The following RBL1 variants were observed in gnomAD, a reference collection of about 807,000 sequenced individuals.
RBL1 encodes the protein RB transcriptional corepressor like 1, also known as retinoblastoma-like protein 1.
RBL1 carries 82 observed loss-of-function variants against 123.0 expected under a neutral mutation model. The observed-to-expected ratio is 0.67, with a 90% CI of 0.56 to 0.80. The LOEUF is 0.80. Among genes scored for constraint, RBL1 ranks in the 30% least tolerant of loss-of-function variants. RBL1 has a pLI of 0.00. For synonymous variants in RBL1, 405 were observed against 441.3 expected (o/e 0.92, Z 1.03); for missense variants, 1,171 against 1,299.6 (o/e 0.90, Z 1.52).
chr20:37,042,683 G>A (rs1193811856), intron 13 of RBL1, among the ~76,000 whole-genome samples: 4 of 151,894 alleles, frequency 2.6e-5, no homozygotes, highest in Non-Finnish European at 4.4e-5. Flanking sequence ...TGGGAGGATC[G>A]CTTGAGCCCA....
At chr20:37,000,965 C>T (rs2063966853) in intron 21 of RBL1, among the ~76,000 whole-genome samples, 1 of 146,338 alleles carries the variant, frequency 6.8e-6, no homozygotes, top group Non-Finnish European at 1.5e-5. Flanking sequence ...GCCCGGCCGC[C>T]CCTACTGGGA....
intron 14 of RBL1, among the ~76,000 whole-genome samples, chr20:37,038,234 C>T (rs936500306): frequency 1.6e-4 from 24 of 148,966 alleles, no homozygotes; most frequent in Non-Finnish European, 2.4e-4. Flanking sequence ...TCAGATGATC[C>T]ACCTGCCTCG....
intron 2 of RBL1, among the ~76,000 whole-genome samples, chr20:37,078,501 C>A (rs2065398520): frequency 6.6e-6 from 1 of 152,136 alleles, no homozygotes; most frequent in African/African-American, 2.4e-5. Flanking sequence ...GTCTTTTCAA[C>A]CTAGCTTCTA....
intron 2 of RBL1, among the ~76,000 whole-genome samples, chr20:37,078,486 T>C (rs2065398445): frequency 6.6e-6 from 1 of 152,214 alleles, no homozygotes; most frequent in African/African-American, 2.4e-5. Context: ...AGTCTACCAA[T>C]GGGAGTCTTT....
In RBL1 at chr20:37,003,823, TG is replaced by T; in HGVS notation, c.2914del (p.Gln972SerfsTer43). ...GGAAATGCGGCGTGGTGAGCCTGGC[TG>T]TTGTTTAATATGTGGAAAAGGAGAG... Reference protein sequence around the residue: ...PLSPFPHIKQQPGSPRRISQQ... With the variant: ...PLSPFPHIKQXPGSPRRISQQ... On this transcript the variant is annotated frameshift_variant, in exon 21 of 22. Transcript: ENST00000373664. LOFTEE classifies it high-confidence loss of function. 6.2e-7 allele frequency: 1 copy of T among 1,614,028 alleles called. No individual in the cohort carries two copies. Among genetic ancestry groups the T allele is most frequent in the Non-Finnish European group, 8.5e-7 (1 of 1,179,950 alleles).
chr20:37,073,556 G>GA (rs1248666184), intron 2 of RBL1, among the ~76,000 whole-genome samples: 3 of 151,596 alleles, frequency 2.0e-5, no homozygotes, highest in Non-Finnish European at 4.4e-5. Context: ...AAATTAGCTA[G>GA]ACTTGGTAGT....
In RBL1 at chr20:37,000,182, C is replaced by A. The variant is rs563262403; in HGVS notation, c.3037-1253G>T. 5.4e-5 allele frequency among the ~76,000 whole-genome samples: 8 copies of A among 147,750 alleles called. No individual in the cohort carries two copies. The South Asian group carries it at 1.5e-3, about 28-fold the overall frequency. ...GAGGAGACCCTCTGCCTGGCAACCGCCCCGTCTGAGAAGTGAGGAGCCCCT... is the reference window on the plus strand; with the variant it reads ...GAGGAGACCCTCTGCCTGGCAACCGACCCGTCTGAGAAGTGAGGAGCCCCT... On this transcript the variant is annotated intron_variant, in intron 21 of 21. Transcript: ENST00000373664.
intron 1 of RBL1, among the ~76,000 whole-genome samples, chr20:37,089,974 C>T (rs2065621824): frequency 1.3e-5 from 2 of 152,208 alleles, no homozygotes; most frequent in South Asian, 4.1e-4. Flanking sequence ...ATAGCTTAAA[C>T]TCGGGAGGCA....
intron 1 of RBL1, among the ~76,000 whole-genome samples, chr20:37,093,307 GAATA>G (rs1246231319): frequency 1.3e-5 from 2 of 149,244 alleles, no homozygotes; most frequent in African/African-American, 2.4e-5. Context: ...ACACTGGATA[GAATA>G]AACACAAAAT....
At chr20:37,052,930 C>T (rs1568860692) in intron 11 of RBL1, among the ~76,000 whole-genome samples, 1 of 152,230 alleles carries the variant, frequency 6.6e-6, no homozygotes, top group Non-Finnish European at 1.5e-5. Flanking sequence ...GCATGAGCCA[C>T]TGCGCCTGGC....
chr20:37,005,884 T>A (rs1286808157), intron 20 of RBL1, among the ~76,000 whole-genome samples: 1 of 133,882 alleles, frequency 7.5e-6, no homozygotes, highest in African/African-American at 3.4e-5. Context: ...TTTCTTTTTT[T>A]TTTTTCTTTC....
chr20:37,010,236 G>A (rs901230732), intron 19 of RBL1, among the ~76,000 whole-genome samples: 8 of 151,636 alleles, frequency 5.3e-5, no homozygotes, highest in Middle Eastern at 3.4e-3. Flanking sequence ...CACCATGTCC[G>A]GCCAGAAATG....
intron 2 of RBL1, among the ~76,000 whole-genome samples, chr20:37,077,973 T>C (rs577301226): frequency 3.3e-5 from 5 of 152,350 alleles, no homozygotes; most frequent in African/African-American, 9.6e-5. Flanking sequence ...AGGTGTCATT[T>C]CCTTTCTGTT....
intron 2 of RBL1, among the ~76,000 whole-genome samples, chr20:37,088,095 G>A (rs1285912541): frequency 1.3e-5 from 2 of 151,808 alleles, no homozygotes; most frequent in Non-Finnish European, 2.9e-5. Context: ...GAGTAACTCC[G>A]TCTCTACTAA....
chr20:37,022,395 C>T (rs772403209), intron 17 of RBL1, among the ~76,000 whole-genome samples: 12 of 152,154 alleles, frequency 7.9e-5, no homozygotes, highest in Non-Finnish European at 8.8e-5. Context: ...GTCATGATCT[C>T]GGCTCACTGC....
intron 14 of RBL1, among the ~76,000 whole-genome samples, chr20:37,036,165 C>T (rs1600505001): frequency 1.3e-5 from 2 of 152,214 alleles, no homozygotes; most frequent in African/African-American, 4.8e-5. Context: ...CTACCAGCTG[C>T]ACGGGTTTTT....
chr20:37,075,164 A>C (rs1469774163), intron 2 of RBL1, among the ~76,000 whole-genome samples: 1 of 152,192 alleles, frequency 6.6e-6, no homozygotes, highest in Non-Finnish European at 1.5e-5. Flanking sequence ...AGAAAACTCT[A>C]TAGAGACAGA....
At chr20:37,015,208 C>T (rs1049231056) in intron 19 of RBL1, among the ~76,000 whole-genome samples, 4 of 151,870 alleles carry the variant, frequency 2.6e-5, no homozygotes, top group African/African-American at 9.7e-5. Context: ...AAACAGAAAA[C>T]GACATCGTCT....
chr20:37,015,499 C>T (rs1264284114), intron 19 of RBL1, among the ~76,000 whole-genome samples: 14 of 146,762 alleles, frequency 9.5e-5, no homozygotes, highest in Admixed American at 9.5e-4. Context: ...GGCGCGATCT[C>T]CGCTCACTGC....
Sources: allele counts gnomAD v4.1 joint callset (sites outside exome capture counted in the v4.1 genomes callset), GRCh38; gene constraint gnomAD v4.1.1; transcripts MANE v1.5; gene names NCBI Gene and HGNC (gene_info 2026-07-23, HGNC 2026-07-21).